Variants in USP10 observed in about 807,000 individuals in gnomAD.
USP10 encodes ubiquitin specific peptidase 10.
Under a neutral mutation model 84.5 loss-of-function variants are expected in USP10, and 22 were observed. The observed-to-expected ratio is 0.26, with a 90% CI of 0.19 to 0.37. The LOEUF (loss-of-function observed/expected upper bound fraction) is 0.37, where lower values mean the gene tolerates loss of function less well. Among genes scored for constraint, USP10 ranks in the 10% least tolerant of loss-of-function variants. The pLI is 1.00. For missense variants in USP10, 1,019 were observed against 998.9 expected (o/e 1.02, Z -0.27); for synonymous variants, 454 against 387.6 (o/e 1.17, Z -2.01).
Position 84,778,987 on chromosome 16 carries a change from C to A in USP10, c.2302C>A (p.Gln768Lys). The change falls in exon 14 of 14, where the codon CAG becomes AAG. Residue 768 changes from glutamine to lysine, a missense_variant. Gln to Lys is a moderately conservative substitution (Grantham distance 53, BLOSUM62 1). Around this residue, in one of 2 missense-constraint regions of USP10, gnomAD observed 232 missense variants for 290.1 expected, o/e 0.80. Transcript: ENST00000219473. Reference protein sequence around the residue: ...GLNGWLRIDDQTVKVINQYQV... With the variant: ...GLNGWLRIDDKTVKVINQYQV... Reference sequence around the variant, plus strand: ...GAATGGCTGGCTGCGCATCGATGACCAGACAGTCAAGGTGATCAACCAGTA... The same window carrying A: ...GAATGGCTGGCTGCGCATCGATGACAAGACAGTCAAGGTGATCAACCAGTA... 6.2e-7 allele frequency: 1 copy of A among 1,614,000 alleles called. No individual in the cohort carries two copies. Among genetic ancestry groups the A allele is most frequent in the Non-Finnish European group, 8.5e-7 (1 of 1,179,900 alleles).
At chr16:84,727,215 A>C (rs140568383) in intron 1 of USP10, among the ~76,000 whole-genome samples, 2 of 152,200 alleles carry the variant, frequency 1.3e-5, no homozygotes, top group African/African-American at 4.8e-5. Flanking sequence ...TTGCTCTGTT[A>C]TGGGCAAAAC....
At chr16:84,719,824 C>T (rs1041293649) in intron 1 of USP10, among the ~76,000 whole-genome samples, 4 of 152,194 alleles carry the variant, frequency 2.6e-5, no homozygotes, top group African/African-American at 9.7e-5. Context: ...GCTATACTTG[C>T]ATAATTTAAA....
chr16:84,772,788 C>G (rs1009733206), intron 12 of USP10, 103 bp downstream of exon 12: 92 of 1,432,294 alleles, frequency 6.4e-5, no homozygotes, highest in Admixed American at 1.1e-4. Flanking sequence ...TGAGGACATT[C>G]TCTTGCTGGA....
rs771382548 is a variant in USP10, at chr16:84,779,112, G to T, written c.*30G>T. Reference sequence around the variant, plus strand: ...TGTGTGCGCTGTGTGTGCGCCCAGTGCCCGCTTCGTAGGACACCACCTCAC... The same window carrying T: ...TGTGTGCGCTGTGTGTGCGCCCAGTTCCCGCTTCGTAGGACACCACCTCAC... On this transcript the variant is annotated 3_prime_UTR_variant, in exon 14 of 14. Coordinates refer to ENST00000219473, the MANE Select transcript of USP10 (RefSeq NM_005153.3). The T allele has an allele frequency of 6.3e-7, 1 of 1,590,176 alleles. No individual in the cohort carries two copies. The highest frequency in any genetic ancestry group is 8.6e-7 in the Non-Finnish European group (1 of 1,162,374).
rs376120530 is a variant in USP10, at chr16:84,756,551, C to T, written c.1193-2165C>T. On this transcript the variant is annotated intron_variant, in intron 4 of 13. Coordinates refer to ENST00000219473, the MANE Select transcript of USP10 (RefSeq NM_005153.3). ...GAGGTTGCAGTGAGCCAAGATTGCACCACTGCACTCCAGCCTGGGTGACAG... is the reference window on the plus strand; with the variant it reads ...GAGGTTGCAGTGAGCCAAGATTGCATCACTGCACTCCAGCCTGGGTGACAG... Among the ~76,000 whole-genome samples, 114 of 152,260 alleles carry T rather than the reference C, an allele frequency of 7.5e-4. 2 individuals are homozygous for T. In the East Asian group the frequency reaches 0.02, roughly 27 times the overall value.
Position 84,764,078 on chromosome 16 carries a change from C to G in USP10, c.1655-8C>G, listed in dbSNP as rs762060650. 2 of 1,610,336 alleles carry G rather than the reference C, an allele frequency of 1.2e-6. No individual in the cohort carries two copies. Among genetic ancestry groups the G allele is most frequent in the East Asian group, 2.2e-5 (1 of 44,802 alleles). On this transcript the variant is annotated splice_polypyrimidine_tract_variant and splice_region_variant and intron_variant, in intron 9 of 13. Coordinates refer to ENST00000219473, the MANE Select transcript of USP10 (RefSeq NM_005153.3). ...AATAGTAGTGTAAGCAGATGCTCTCCTTTTCAGAACTTACGATTTCCAACG... is the reference window on the plus strand; with the variant it reads ...AATAGTAGTGTAAGCAGATGCTCTCGTTTTCAGAACTTACGATTTCCAACG...
intron 1 of USP10, among the ~76,000 whole-genome samples, chr16:84,715,937 C>T (rs922641915): frequency 2.0e-5 from 3 of 152,186 alleles, no homozygotes; most frequent in African/African-American, 4.8e-5. Context: ...TCCGTCACAC[C>T]AGCCTGACCA....
chr16:84,763,405 ACT>A (rs904264263), intron 9 of USP10, among the ~76,000 whole-genome samples: 22 of 152,170 alleles, frequency 1.4e-4, no homozygotes, highest in African/African-American at 5.1e-4. Flanking sequence ...CTATACACAC[ACT>A]GTGTATATAT....
intron 1 of USP10, among the ~76,000 whole-genome samples, chr16:84,722,544 C>T (rs1907948077): frequency 6.6e-6 from 1 of 152,128 alleles, no homozygotes; most frequent in Non-Finnish European, 1.5e-5. Context: ...CTTCTCTGTC[C>T]TCACCAACAT....
At position 84,779,157 on chromosome 16, in the gene USP10, T is replaced by A; in HGVS notation, c.*75T>A. 10 of 1,512,990 alleles carry A rather than the reference T, an allele frequency of 6.6e-6. No individual in the cohort carries two copies. Among genetic ancestry groups the A allele is most frequent in the Non-Finnish European group, 9.0e-6 (10 of 1,115,808 alleles). 93.7% of individuals were successfully genotyped at this position (1,512,990 alleles called of 1,614,324 possible). On this transcript the variant is annotated 3_prime_UTR_variant, in exon 14 of 14. Transcript: ENST00000219473. ...CCTCACACTCACTTCCCGCCTCTCT[T>A]TAGTGGCTCTTTAGAGAGAAACTCT... is the stretch of plus-strand genomic sequence containing the variant.
chr16:84,735,572 C>G (rs1298645314), intron 2 of USP10, among the ~76,000 whole-genome samples: 1 of 152,036 alleles, frequency 6.6e-6, no homozygotes, highest in Non-Finnish European at 1.5e-5. Context: ...ATTCACGTCA[C>G]AGAAATGTTG....
chr16:84,748,560 T>A (rs942648059), intron 4 of USP10, among the ~76,000 whole-genome samples: 1 of 152,146 alleles, frequency 6.6e-6, no homozygotes, highest in Non-Finnish European at 1.5e-5. Flanking sequence ...TGCCTCAGCC[T>A]CTCAAAGTGC....
At chr16:84,760,545 C>G (rs1913091888) in intron 8 of USP10, among the ~76,000 whole-genome samples, 1 of 152,186 alleles carries the variant, frequency 6.6e-6, no homozygotes. Context: ...GGTCAGGTAG[C>G]TAATGTACAT....
At chr16:84,770,160 G>A (rs945807227) in intron 11 of USP10, among the ~76,000 whole-genome samples, 2 of 152,140 alleles carry the variant, frequency 1.3e-5, no homozygotes, top group Non-Finnish European at 2.9e-5. Flanking sequence ...GGTGGACTCC[G>A]GAAGATAAAA....
At chr16:84,759,298 T>C in intron 5 of USP10, 65 bp from the exon 6 acceptor site, 3 of 1,442,484 alleles carry the variant, frequency 2.1e-6, no homozygotes, top group Non-Finnish European at 2.9e-6. Context: ...TTGTGCTTCA[T>C]GTGCCTTCAG....
intron 1 of USP10, chr16:84,732,733 C>G (rs1314147671): frequency 3.3e-6 from 1 of 298,512 alleles, no homozygotes; most frequent in Admixed American, 5.0e-5. Flanking sequence ...TAGGCGTGAG[C>G]TACTGCGCCA....
At chr16:84,724,022 T>G (rs1379447441) in intron 1 of USP10, among the ~76,000 whole-genome samples, 2 of 152,258 alleles carry the variant, frequency 1.3e-5, no homozygotes, top group Admixed American at 6.5e-5. Flanking sequence ...GGTGGAATCT[T>G]GAACTTCTAC....
chr16:84,706,535 TA>T (rs1450845218), intron 1 of USP10, among the ~76,000 whole-genome samples: 1 of 148,058 alleles, frequency 6.8e-6, no homozygotes, highest in East Asian at 1.9e-4. Context: ...TATTTATATA[TA>T]TTTTTATATA....
At position 84,759,427 on chromosome 16, in the gene USP10, C is replaced by T. The variant is rs772073078; in HGVS notation, c.1349C>T (p.Ser450Phe). ...CTGATGAAGTTCATTCCTCTGTATT[C>T]CAAAGTGCAAAGGCCTTGTACGTCA... is the stretch of plus-strand genomic sequence containing the variant. ...YHLMKFIPLY[S>F]KVQRPCTSTP... Residue 450 changes from serine to phenylalanine, a missense_variant, in exon 6 of 14, where the codon TCC becomes TTC. By Grantham distance (155) the Ser-to-Phe change is radical (BLOSUM62 -2). Around this residue, in one of 2 missense-constraint regions of USP10, gnomAD observed 787 missense variants for 708.8 expected, o/e 1.11. Coordinates refer to ENST00000219473, the MANE Select transcript of USP10 (RefSeq NM_005153.3). 1.2e-6 allele frequency: 2 copies of T among 1,613,972 alleles called. No homozygotes were observed. The highest frequency in any genetic ancestry group is 8.5e-7 in the Non-Finnish European group (1 of 1,179,886).
Sources: gnomAD v4.1 joint callset for allele counts (sites outside exome capture counted in the v4.1 genomes callset) on GRCh38, gnomAD v4.1.1 for gene constraint, gnomAD v4.1.1 regional missense constraint, MANE v1.5 for transcripts, NCBI Gene and HGNC (gene_info 2026-07-23, HGNC 2026-07-21) for gene names.